The following PTPN3 variants were observed in gnomAD, a reference collection of about 807,000 sequenced individuals.
PTPN3 encodes the protein protein tyrosine phosphatase non-receptor type 3, also known as tyrosine-protein phosphatase non-receptor type 3.
PTPN3 carries 96 observed loss-of-function variants against 132.7 expected under a neutral mutation model. The ratio of observed to expected loss-of-function variants is 0.72; its 90% CI spans 0.61 to 0.86. The LOEUF (loss-of-function observed/expected upper bound fraction) is 0.86, where lower values mean the gene tolerates loss of function less well. Ranked by LOEUF, PTPN3 falls within the 40% of genes least tolerant of loss-of-function variation. PTPN3 has a pLI of 0.00. For synonymous variants in PTPN3, 398 were observed against 429.0 expected, an observed-to-expected ratio of 0.93 and a Z score of 0.89; for missense variants, 1,125 against 1,159.6, an observed-to-expected ratio of 0.97 and a Z score of 0.43.
At chr9:109,509,621 G>A in the PTPN3 span, among the ~76,000 whole-genome samples, 1 of 152,178 alleles carries the variant, frequency 6.6e-6, no homozygotes, top group Non-Finnish European at 1.5e-5. Context: ...TGCCCGTCAG[G>A]CCAAGTTCCT....
At chr9:109,507,982 G>C in the PTPN3 span, among the ~76,000 whole-genome samples, 1 of 151,994 alleles carries the variant, frequency 6.6e-6, no homozygotes, top group Non-Finnish European at 1.5e-5. Flanking sequence ...CCTCTTTCTT[G>C]CTTCCCCTTG....
intron 4 of PTPN3, among the ~76,000 whole-genome samples, chr9:109,455,538 A>C (rs1845517070): frequency 6.6e-6 from 1 of 152,158 alleles, no homozygotes; most frequent in African/African-American, 2.4e-5. Flanking sequence ...GTGTTCAAAG[A>C]ATCCCTAACG....
At chr9:109,506,983 TA>T in the PTPN3 span, among the ~76,000 whole-genome samples, 2 of 152,278 alleles carry the variant, frequency 1.3e-5, no homozygotes, top group Non-Finnish European at 2.9e-5. Flanking sequence ...GCATGCCTAA[TA>T]TTTTTTCAGA....
Position 109,408,353 on chromosome 9 carries a change from G to A in PTPN3, c.1603C>T (p.Leu535Phe). Residue 535 changes from leucine (L) to phenylalanine (F), a missense_variant, in exon 17 of 26, where the codon CTT becomes TTT. Leu to Phe is a conservative substitution (Grantham distance 22). Transcript: ENST00000374541. ...LKGGVDQKMP[L>F]VVSRINPESP... ...TCTGGGTTTATCCTTGATACCACAA[G>A]AGGCATCTTTTGATCCACTCCTCCC... is the stretch of plus-strand genomic sequence containing the variant. The A allele has an allele frequency of 1.9e-6, 3 of 1,585,134 alleles. No homozygotes were observed. Among genetic ancestry groups the A allele is most frequent in the Non-Finnish European group, 2.6e-6 (3 of 1,161,964 alleles).
At chr9:109,504,136 C>T in the PTPN3 span, among the ~76,000 whole-genome samples, 70 of 152,246 alleles carry the variant, frequency 4.6e-4, no homozygotes, top group Middle Eastern at 3.4e-3. Context: ...GTTATTCTTG[C>T]GGGTATCTGG....
intron 11 of PTPN3, among the ~76,000 whole-genome samples, chr9:109,428,380 T>A (rs183710195): frequency 6.6e-6 from 1 of 152,228 alleles, no homozygotes. Context: ...CACAATGGCA[T>A]GCTCTTTCTT....
chr9:109,421,122 C>T (rs769499903), intron 13 of PTPN3, among the ~76,000 whole-genome samples: 3 of 152,222 alleles, frequency 2.0e-5, no homozygotes, highest in African/African-American at 7.2e-5. Flanking sequence ...TTATTAAACA[C>T]GTTTATATGC....
intron 1 of PTPN3, among the ~76,000 whole-genome samples, chr9:109,468,428 G>A (rs1010584782): frequency 6.6e-6 from 1 of 151,942 alleles, no homozygotes; most frequent in Non-Finnish European, 1.5e-5. Flanking sequence ...GTACAGTGGC[G>A]TGATCTCGGC....
chr9:109,503,935 C>T, the PTPN3 span, among the ~76,000 whole-genome samples: 222 of 152,226 alleles, frequency 1.5e-3, no homozygotes, highest in Non-Finnish European at 2.7e-3. Context: ...TATCCCTGCT[C>T]TCATGGAGCA....
At chr9:109,517,312 G>C in the PTPN3 span, among the ~76,000 whole-genome samples, 2 of 152,186 alleles carry the variant, frequency 1.3e-5, no homozygotes, top group African/African-American at 4.8e-5. Context: ...TGAATGTGTT[G>C]AGGTTCTCTG....
intron 14 of PTPN3, among the ~76,000 whole-genome samples, chr9:109,415,309 G>A (rs1842409630): frequency 6.6e-6 from 1 of 152,144 alleles, no homozygotes; most frequent in South Asian, 2.1e-4. Context: ...AGGGTACTGT[G>A]TAAGGCCAGG....
intron 19 of PTPN3, among the ~76,000 whole-genome samples, chr9:109,395,084 G>A (rs1840459163): frequency 1.3e-5 from 2 of 151,294 alleles, no homozygotes; most frequent in Non-Finnish European, 2.9e-5. Flanking sequence ...AGCTTGCAGT[G>A]AGCCGAGATC....
chr9:109,466,041 T>G (rs1846086029), intron 1 of PTPN3, among the ~76,000 whole-genome samples: 1 of 152,062 alleles, frequency 6.6e-6, no homozygotes, highest in Non-Finnish European at 1.5e-5. Context: ...TGTGACAGAG[T>G]TCACTCACTA....
chr9:109,436,669 G>T (rs1844075281), intron 9 of PTPN3, among the ~76,000 whole-genome samples: 1 of 151,124 alleles, frequency 6.6e-6, no homozygotes, highest in African/African-American at 2.4e-5. Context: ...CCTTCAAAAG[G>T]GAAAAGTCTT....
At chr9:109,415,036 G>GCCCGTCCGTCCGTCCA (rs1842365701) in intron 14 of PTPN3, among the ~76,000 whole-genome samples, 1 of 145,696 alleles carries the variant, frequency 6.9e-6, no homozygotes. Flanking sequence ...CCGTCTGTCC[G>GCCCGTCCGTCCGTCCA]TCCGTCCGTC....
intron 6 of PTPN3, 120 bp from the exon 7 acceptor site, chr9:109,445,412 T>C (rs1048084784): frequency 1.2e-5 from 11 of 933,028 alleles, no homozygotes; most frequent in African/African-American, 1.6e-5. Flanking sequence ...CAAAACAACA[T>C]GAATTGTAAC....
chr9:109,442,100 C>T (rs1391709404), intron 7 of PTPN3, among the ~76,000 whole-genome samples: 1 of 151,782 alleles, frequency 6.6e-6, no homozygotes, highest in Non-Finnish European at 1.5e-5. Context: ...CAGGCTGGAG[C>T]ACAGTGGTGC....
chr9:109,417,265 A>G (rs1027558645), intron 14 of PTPN3, among the ~76,000 whole-genome samples: 1 of 152,222 alleles, frequency 6.6e-6, no homozygotes, highest in Non-Finnish European at 1.5e-5. Flanking sequence ...CTAAGATGGC[A>G]CTCAGGCAGC....
rs1169846827 is a variant in PTPN3, at chr9:109,420,685, T to C, written c.1137-85A>G. ...TTAGACACCAGTGAACCTCGTGTCC[T>C]GACCTTTCTAAGGATGCCTTCCTTG... is the stretch of plus-strand genomic sequence containing the variant. On this transcript the variant is annotated intron_variant, in intron 13 of 25. Transcript: ENST00000374541. 1.3e-5 allele frequency: 18 copies of C among 1,372,576 alleles called. No homozygotes were observed. In the East Asian group the frequency reaches 4.1e-4, roughly 31 times the overall value. 85.0% of individuals were successfully genotyped at this position (1,372,576 alleles called of 1,614,324 possible).
Sources: allele counts gnomAD v4.1 joint callset (sites outside exome capture counted in the v4.1 genomes callset), GRCh38; gene constraint gnomAD v4.1.1; transcripts MANE v1.5; gene names NCBI Gene and HGNC (gene_info 2026-07-23, HGNC 2026-07-21).